The following GLIS3 variants were observed in gnomAD, a reference collection of about 807,000 sequenced individuals.
GLIS3 encodes the protein zinc finger protein GLIS3.
A neutral mutation model predicts 78.6 loss-of-function variants in GLIS3; 53 were observed. The observed-to-expected ratio is 0.67, with a 90% CI of 0.54 to 0.85. The LOEUF is 0.85. Among genes scored for constraint, GLIS3 ranks in the 40% least tolerant of loss-of-function variants. The probability of loss-of-function intolerance (pLI) is 0.00; values close to 1 mark genes in which losing one functional copy is unlikely to be tolerated. For synonymous variants in GLIS3, 684 were observed against 509.9 expected (o/e 1.34, Z -4.60); for missense variants, 1,703 against 1,231.1 (o/e 1.38, Z -5.74).
At chr9:3,901,261 G>T in intron 6 of GLIS3, 1 of 179,702 alleles carries the variant, frequency 5.6e-6, no homozygotes. Flanking sequence ...TAGCCTGTCT[G>T]GGTAGTCTCT....
chr9:4,312,191 G>T (rs1209060804), intron 2 of GLIS3, among the ~76,000 whole-genome samples: 1 of 152,122 alleles, frequency 6.6e-6, no homozygotes, highest in Non-Finnish European at 1.5e-5. Context: ...TTACAGGCTG[G>T]GCATGGTGAC....
At chr9:4,049,658 G>A (rs2130457795) in intron 4 of GLIS3, among the ~76,000 whole-genome samples, 1 of 152,156 alleles carries the variant, frequency 6.6e-6, no homozygotes, top group Middle Eastern at 3.4e-3. Context: ...GAGTGAACAG[G>A]CAACCTACAG....
At chr9:4,128,924 G>T (rs1285192121) in intron 2 of GLIS3, among the ~76,000 whole-genome samples, 1 of 152,192 alleles carries the variant, frequency 6.6e-6, no homozygotes, top group Non-Finnish European at 1.5e-5. Context: ...GCCAAGAAGC[G>T]ATCACTGGTC....
At chr9:3,856,754 C>G (rs536128242) in intron 8 of GLIS3, among the ~76,000 whole-genome samples, 1 of 152,268 alleles carries the variant, frequency 6.6e-6, no homozygotes, top group South Asian at 2.1e-4. Context: ...TGGCTTGAAA[C>G]CCACAACCCA....
In GLIS3 at chr9:4,286,064, C is replaced by T. The variant is rs1476619035; in HGVS notation, c.362G>A (p.Ser121Asn). 2 of 1,613,662 alleles carry T rather than the reference C, an allele frequency of 1.2e-6. No individual in the cohort carries two copies. Among genetic ancestry groups the T allele is most frequent in the East Asian group, 4.5e-5 (2 of 44,896 alleles). ...TLKPKQQEFG[S>N]PFPPNPGKGA... is the part of the protein sequence containing the mutation. ...TTTCCCAGGATTTGGAGGAAAAGGGCTTCCAAACTCCTGCTGCTTTGGCTT... is the reference window on the plus strand; with the variant it reads ...TTTCCCAGGATTTGGAGGAAAAGGGTTTCCAAACTCCTGCTGCTTTGGCTT... Residue 121 changes from serine to asparagine, a missense_variant, in exon 2 of 11, where the codon AGC (serine) becomes AAC (asparagine). Ser to Asn is a conservative substitution (Grantham distance 46). Coordinates refer to ENST00000381971, the MANE Select transcript of GLIS3 (RefSeq NM_001042413.2).
chr9:4,089,908 A>T (rs1829352420), intron 4 of GLIS3, among the ~76,000 whole-genome samples: 1 of 152,330 alleles, frequency 6.6e-6, no homozygotes, highest in African/African-American at 2.4e-5. Flanking sequence ...TTTCCGGGTG[A>T]TCATAAAGAG....
intron 2 of GLIS3, among the ~76,000 whole-genome samples, chr9:4,254,182 A>C (rs2129916044): frequency 1.3e-5 from 2 of 152,356 alleles, no homozygotes; most frequent in Middle Eastern, 6.8e-3. Flanking sequence ...GCTAGGCATA[A>C]AGTGTACAAA....
chr9:3,857,533 G>T (rs1819869655), intron 8 of GLIS3, among the ~76,000 whole-genome samples: 1 of 152,188 alleles, frequency 6.6e-6, no homozygotes, highest in African/African-American at 2.4e-5. Context: ...GGTGTGATGA[G>T]ACTATAGAAG....
At chr9:4,427,786 G>C in the GLIS3 span, among the ~76,000 whole-genome samples, 10 of 151,922 alleles carry the variant, frequency 6.6e-5, no homozygotes, top group Admixed American at 1.3e-4. Context: ...TTGAATCCAG[G>C]AGGCGGAGGT....
chr9:4,268,851 T>A (rs754003699), intron 2 of GLIS3, among the ~76,000 whole-genome samples: 1 of 152,186 alleles, frequency 6.6e-6, no homozygotes, highest in Non-Finnish European at 1.5e-5. Flanking sequence ...GGTTCTGGTA[T>A]CTCCCAACCC....
chr9:4,368,326 C>G, the GLIS3 span, among the ~76,000 whole-genome samples: 1 of 148,634 alleles, frequency 6.7e-6, no homozygotes, highest in African/African-American at 2.5e-5. Context: ...GTAGGGAGCG[C>G]ACAAGAACCC....
chr9:4,374,352 G>A, the GLIS3 span, among the ~76,000 whole-genome samples: 2 of 152,200 alleles, frequency 1.3e-5, no homozygotes, highest in African/African-American at 4.8e-5. Context: ...GGGCTGCTGT[G>A]GATACTTTTG....
rs1170389073 is a variant in GLIS3, at chr9:4,118,131, G to C, written c.1347C>G (p.Leu449=). The change falls in exon 4 of 11, where the codon CTC becomes CTG. Residue 449 remains leucine, a synonymous_variant. Coordinates refer to ENST00000381971, the MANE Select transcript of GLIS3 (RefSeq NM_001042413.2). This position sits in a 1 kb window ranked among gnomAD's most constrained non-coding sequence, Gnocchi z 4.7. ...GGCCTGGGGGCGGCGGCAGAGGAGG[G>C]AGCGGAGGCGCGGGGGGTAGGTCTA... ...STVDLPPAPP[L]PPLPPPPGPP... 6.4e-7 allele frequency: 1 copy of C among 1,551,750 alleles called. No individual in the cohort carries two copies. Among genetic ancestry groups the C allele is most frequent in the East Asian group, 2.3e-5 (1 of 44,144 alleles).
chr9:3,881,499 CT>C (rs1821724254), intron 7 of GLIS3, among the ~76,000 whole-genome samples: 1 of 152,188 alleles, frequency 6.6e-6, no homozygotes, highest in Admixed American at 6.5e-5. Flanking sequence ...AGAAAGTGTG[CT>C]GCTTCTCAGA....
At chr9:3,929,979 T>C (rs1368255212) in intron 6 of GLIS3, among the ~76,000 whole-genome samples, 1 of 152,204 alleles carries the variant, frequency 6.6e-6, no homozygotes, top group Non-Finnish European at 1.5e-5. Context: ...CATTGTACCA[T>C]GTAAATATTA....
intron 4 of GLIS3, among the ~76,000 whole-genome samples, chr9:3,969,441 A>G (rs1818210030): frequency 6.6e-6 from 1 of 152,238 alleles, no homozygotes; most frequent in Admixed American, 6.5e-5. Flanking sequence ...GTTTCCACTC[A>G]AAGTAGACCT....
At chr9:4,019,519 T>C (rs1368190494) in intron 4 of GLIS3, among the ~76,000 whole-genome samples, 2 of 152,128 alleles carry the variant, frequency 1.3e-5, no homozygotes, top group South Asian at 2.1e-4. Flanking sequence ...CAGTGAACAA[T>C]GCAGCGAAGA....
chr9:4,307,455 A>G (rs1817256003), intron 4 of GLIS3, among the ~76,000 whole-genome samples: 2 of 152,046 alleles, frequency 1.3e-5, no homozygotes, highest in African/African-American at 2.4e-5. Flanking sequence ...TTTTATCTCC[A>G]CAGGATGACC....
At chr9:4,304,142 C>A (rs911022590), upstream of GLIS3, among the ~76,000 whole-genome samples, 1 of 152,172 alleles carries the variant, frequency 6.6e-6, no homozygotes, top group Non-Finnish European at 1.5e-5. Flanking sequence ...TGATAAATGA[C>A]ACAACTCATT....
Sources: gnomAD v4.1 joint callset for allele counts (sites outside exome capture counted in the v4.1 genomes callset) on GRCh38, gnomAD v4.1.1 for gene constraint, Gnocchi (gnomAD v3.1) non-coding constraint, MANE v1.5 for transcripts, NCBI Gene and HGNC (gene_info 2026-07-23, HGNC 2026-07-21) for gene names.